SGCZ: variants seen among roughly 807,000 people sequenced by gnomAD.
The protein encoded by SGCZ is zeta-sarcoglycan.
SGCZ carries 40 observed loss-of-function variants against 41.3 expected under a neutral mutation model. The ratio of observed to expected loss-of-function variants is 0.97; its 90% CI spans 0.75 to 1.26. The LOEUF (loss-of-function observed/expected upper bound fraction) is 1.26. Ranked by LOEUF, SGCZ falls within the 50% of genes most tolerant of loss-of-function variation. SGCZ has a pLI of 0.00. For missense variants in SGCZ, 552 were observed against 369.8 expected (o/e 1.49, Z -4.04); for synonymous variants, 206 against 137.5 (o/e 1.50, Z -3.49).
chr8:14,254,615 T>C (rs1403801880), intron 3 of SGCZ, among the ~76,000 whole-genome samples: 1 of 152,212 alleles, frequency 6.6e-6, no homozygotes, highest in Non-Finnish European at 1.5e-5. Flanking sequence ...AAAACATTAA[T>C]TTGATATCTG....
intron 5 of SGCZ, among the ~76,000 whole-genome samples, chr8:14,146,844 C>A (rs1013263585): frequency 7.4e-6 from 1 of 135,252 alleles, no homozygotes; most frequent in Non-Finnish European, 1.5e-5. Context: ...TGCACTCCAG[C>A]CTGGGCGACA....
At chr8:14,111,356 A>G (rs1432285162) in intron 5 of SGCZ, among the ~76,000 whole-genome samples, 1 of 152,166 alleles carries the variant, frequency 6.6e-6, no homozygotes, top group South Asian at 2.1e-4. Context: ...TGTTTGGTAC[A>G]TAAGGACAGA....
chr8:15,081,608 G>A (rs891792181), intron 1 of SGCZ, among the ~76,000 whole-genome samples: 3 of 152,084 alleles, frequency 2.0e-5, no homozygotes, highest in African/African-American at 4.8e-5. Context: ...AAGTAGAGGG[G>A]AAGAATAAAC....
At chr8:14,598,692 AT>A (rs970478344) in intron 1 of SGCZ, among the ~76,000 whole-genome samples, 7 of 150,940 alleles carry the variant, frequency 4.6e-5, no homozygotes, top group African/African-American at 1.2e-4. Context: ...CACCCGGCTA[AT>A]TTTTTTTTGT....
intron 2 of SGCZ, among the ~76,000 whole-genome samples, chr8:14,450,100 A>T (rs753290136): frequency 9.2e-5 from 14 of 152,192 alleles, no homozygotes; most frequent in Non-Finnish European, 1.5e-4. Flanking sequence ...AACCAGAAAG[A>T]AAACAAAAAT....
chr8:14,176,339 A>C (rs1210102585), intron 4 of SGCZ, among the ~76,000 whole-genome samples: 1 of 152,342 alleles, frequency 6.6e-6, no homozygotes, highest in South Asian at 2.1e-4. Context: ...AGCATAATTA[A>C]TTTTGAAATG....
Position 14,942,599 on chromosome 8 carries a change from G to A in SGCZ, c.39+294986C>T, listed in dbSNP as rs964583638. Among the ~76,000 whole-genome samples the A allele has an allele frequency of 3.4e-4, 52 of 152,152 alleles. 1 individual carries two copies. Among genetic ancestry groups the A allele is most frequent in the South Asian group, 1.7e-3 (8 of 4,822 alleles). On this transcript the variant is annotated intron_variant, in intron 1 of 7. Coordinates refer to ENST00000382080, the MANE Select transcript of SGCZ (RefSeq NM_139167.4). ...GGAAGACTGTTCATTGGAAAAAAAC[G>A]ACTTCTGTTTGGCAGCATTTGAATG... is the stretch of plus-strand genomic sequence containing the variant.
intron 2 of SGCZ, among the ~76,000 whole-genome samples, chr8:14,507,152 A>T (rs1802329542): frequency 7.6e-6 from 1 of 131,424 alleles, no homozygotes; most frequent in Admixed American, 7.2e-5. Context: ...TCTTTGGACT[A>T]TTCTCTTTCA....
At position 15,058,459 on chromosome 8, in the gene SGCZ, A is replaced by G. The variant is rs140271690; in HGVS notation, c.39+179126T>C. Among the ~76,000 whole-genome samples the G allele has an allele frequency of 8.3e-3, 1,266 of 152,280 alleles. 14 individuals are homozygous for G. Among genetic ancestry groups the G allele is most frequent in the African/African-American group, 0.029 (1,214 of 41,568 alleles). ...TACTACTCCTCCCTTCAGAAGGAGG[A>G]CGTGAAGTGTATATTTGTCTGCAGT... On this transcript the variant is annotated intron_variant, in intron 1 of 7. Transcript: ENST00000382080.
At chr8:15,081,527 A>G (rs1184434039) in intron 1 of SGCZ, among the ~76,000 whole-genome samples, 1 of 151,456 alleles carries the variant, frequency 6.6e-6, no homozygotes, top group Middle Eastern at 3.2e-3. Context: ...AAAGCATGAG[A>G]AAGATAAAAT....
At chr8:15,033,591 A>G (rs537172011) in intron 1 of SGCZ, among the ~76,000 whole-genome samples, 11 of 152,194 alleles carry the variant, frequency 7.2e-5, no homozygotes, top group South Asian at 6.2e-4. Flanking sequence ...GACGAGTCCT[A>G]TGGACTCAAG....
chr8:14,447,130 T>C (rs1305821381), intron 2 of SGCZ, among the ~76,000 whole-genome samples: 2 of 152,092 alleles, frequency 1.3e-5, no homozygotes, highest in African/African-American at 2.4e-5. Flanking sequence ...CCTTCTACAA[T>C]AGGCCAAACA....
At chr8:14,899,895 CAT>C (rs149096118) in intron 1 of SGCZ, among the ~76,000 whole-genome samples, 3,675 of 148,958 alleles carry the variant, frequency 0.025, 146 homozygotes, top group African/African-American at 0.086. Context: ...AATGCTTAAA[CAT>C]TGTACCAACA....
At chr8:14,530,819 T>G (rs1476531548) in intron 2 of SGCZ, among the ~76,000 whole-genome samples, 1 of 152,066 alleles carries the variant, frequency 6.6e-6, no homozygotes, top group Non-Finnish European at 1.5e-5. Context: ...CACATCTCTT[T>G]TAAAAAAGAA....
intron 1 of SGCZ, among the ~76,000 whole-genome samples, chr8:14,664,016 T>G (rs1360742482): frequency 6.6e-6 from 1 of 152,148 alleles, no homozygotes; most frequent in Non-Finnish European, 1.5e-5. Context: ...AATTTTAACA[T>G]AATCAAAATT....
chr8:14,847,508 T>TAA (rs57126601), intron 1 of SGCZ, among the ~76,000 whole-genome samples: 1,584 of 149,244 alleles, frequency 0.011, 29 homozygotes, highest in African/African-American at 0.037. Context: ...TATTAACAAG[T>TAA]AAAAAAAAAG....
At chr8:14,411,456 A>T (rs116453514) in intron 2 of SGCZ, among the ~76,000 whole-genome samples, 1 of 152,224 alleles carries the variant, frequency 6.6e-6, no homozygotes, top group African/African-American at 2.4e-5. Flanking sequence ...AATTATGCTG[A>T]AACCAATATC....
At chr8:14,318,122 C>G (rs1241142168) in intron 3 of SGCZ, among the ~76,000 whole-genome samples, 25 of 151,096 alleles carry the variant, frequency 1.7e-4, no homozygotes, top group Admixed American at 1.5e-3. Context: ...AAAAATATGA[C>G]TATTCCAATT....
At chr8:15,218,196 C>G (rs1386887103) in intron 1 of SGCZ, among the ~76,000 whole-genome samples, 1 of 151,930 alleles carries the variant, frequency 6.6e-6, no homozygotes, top group Non-Finnish European at 1.5e-5. Context: ...TCATGAAAGA[C>G]TTTGTATTTT....
Sources: allele counts gnomAD v4.1 joint callset (sites outside exome capture counted in the v4.1 genomes callset), GRCh38; gene constraint gnomAD v4.1.1; transcripts MANE v1.5; gene names NCBI Gene and HGNC (gene_info 2026-07-23, HGNC 2026-07-21).